The following NFKB1 variants were observed in gnomAD, a reference collection of about 807,000 sequenced individuals.
NFKB1 encodes nuclear factor NF-kappa-B p105 subunit.
NFKB1 carries 9 observed loss-of-function variants against 105.1 expected under a neutral mutation model. The observed-to-expected ratio is 0.09, with a 90% confidence interval of 0.05 to 0.15. The LOEUF is 0.15. Among genes scored for constraint, NFKB1 ranks in the 10% least tolerant of loss-of-function variants. The probability of loss-of-function intolerance (pLI) is 1.00; values close to 1 mark genes in which losing one functional copy is unlikely to be tolerated. For missense variants in NFKB1, 830 were observed against 1,203.7 expected (o/e 0.69, Z 4.59); for synonymous variants, 440 against 442.2 (o/e 1.00, Z 0.06).
chr4:102,525,485 T>G, intron 1 of NFKB1, 27 bp from the exon 2 acceptor site: 1 of 1,607,114 alleles, frequency 6.2e-7, no homozygotes, highest in Non-Finnish European at 8.5e-7. Flanking sequence ...GTGTTACAGT[T>G]TTGTTTTGTT....
intron 1 of NFKB1, among the ~76,000 whole-genome samples, chr4:102,502,375 T>TGC (rs748607205): frequency 0.13 from 11,018 of 82,562 alleles, 883 homozygotes; most frequent in Admixed American, 0.2. Flanking sequence ...CCCCCCTCCG[T>TGC]GCGCGCGCGC....
intron 6 of NFKB1, among the ~76,000 whole-genome samples, chr4:102,571,183 A>G (rs555708780): frequency 3.3e-4 from 50 of 152,322 alleles, no homozygotes; most frequent in Non-Finnish European, 6.6e-4. Flanking sequence ...AATACCGTAC[A>G]TCTACAACTA....
chr4:102,584,330 A>G (rs1453798945), intron 10 of NFKB1, among the ~76,000 whole-genome samples: 1 of 152,176 alleles, frequency 6.6e-6, no homozygotes, highest in Non-Finnish European at 1.5e-5. Flanking sequence ...TGCTCTAAAT[A>G]ATCTTGGAGG....
At chr4:102,515,104 ATTATTTTTT>A (rs1308050911) in intron 1 of NFKB1, among the ~76,000 whole-genome samples, 29 of 113,490 alleles carry the variant, frequency 2.6e-4, no homozygotes, top group Non-Finnish European at 4.9e-4. Flanking sequence ...TATTATTATT[ATTATTTTTT>A]TTTTTTTTTT....
intron 1 of NFKB1, among the ~76,000 whole-genome samples, chr4:102,508,283 A>G (rs924051781): frequency 6.6e-6 from 1 of 152,202 alleles, no homozygotes; most frequent in African/African-American, 2.4e-5. Context: ...TAGCATCTGC[A>G]TATAATACAA....
At chr4:102,557,889 A>G (rs1261078265) in intron 5 of NFKB1, among the ~76,000 whole-genome samples, 1 of 152,042 alleles carries the variant, frequency 6.6e-6, no homozygotes, top group African/African-American at 2.4e-5. Flanking sequence ...ATTCCTTTTT[A>G]CCAGATACTG....
intron 6 of NFKB1, among the ~76,000 whole-genome samples, chr4:102,574,791 G>A (rs567169633): frequency 6.6e-6 from 1 of 152,260 alleles, no homozygotes; most frequent in Non-Finnish European, 1.5e-5. Flanking sequence ...GTTACCTGAA[G>A]CAGAAGACTG....
intron 6 of NFKB1, among the ~76,000 whole-genome samples, chr4:102,569,948 A>T (rs950827223): frequency 6.6e-6 from 1 of 152,124 alleles, no homozygotes; most frequent in Non-Finnish European, 1.5e-5. Context: ...TTGGTAAAAA[A>T]TAATAATAAT....
At chr4:102,600,615 G>T (rs1433350977) in intron 15 of NFKB1, among the ~76,000 whole-genome samples, 1 of 152,222 alleles carries the variant, frequency 6.6e-6, no homozygotes, top group African/African-American at 2.4e-5. Flanking sequence ...GGAAGCCTCA[G>T]TGTGTTTATA....
At chr4:102,517,132 T>C (rs889704600) in intron 1 of NFKB1, among the ~76,000 whole-genome samples, 1 of 152,240 alleles carries the variant, frequency 6.6e-6, no homozygotes, top group African/African-American at 2.4e-5. Flanking sequence ...TGTAGATTTC[T>C]GAGGCTCTTG....
intron 9 of NFKB1, among the ~76,000 whole-genome samples, chr4:102,581,611 G>T (rs1578791789): frequency 6.6e-6 from 1 of 152,058 alleles, no homozygotes; most frequent in African/African-American, 2.4e-5. Flanking sequence ...CTATTATCAT[G>T]CTGCTGTACT....
chr4:102,612,250 A>G (rs574551968), intron 21 of NFKB1, 140 bp downstream of exon 21: 2 of 959,624 alleles, frequency 2.1e-6, no homozygotes, highest in East Asian at 5.1e-5. Flanking sequence ...AGATAAGGAG[A>G]ATATCCAGTT....
At chr4:102,597,356 T>C (rs1301221937) in intron 14 of NFKB1, among the ~76,000 whole-genome samples, 164 bp from the exon 15 acceptor site, 1 of 152,244 alleles carries the variant, frequency 6.6e-6, no homozygotes, top group African/African-American at 2.4e-5. Context: ...CCAATTCTGC[T>C]TTTTCTAGTC....
At chr4:102,556,760 C>G (rs1040185945) in intron 5 of NFKB1, among the ~76,000 whole-genome samples, 2 of 152,146 alleles carry the variant, frequency 1.3e-5, no homozygotes, top group African/African-American at 4.8e-5. Flanking sequence ...GTTTAAGTTC[C>G]TCTTAAGAAC....
At chr4:102,517,259 A>G (rs1740254407) in intron 1 of NFKB1, among the ~76,000 whole-genome samples, 1 of 152,172 alleles carries the variant, frequency 6.6e-6, no homozygotes, top group African/African-American at 2.4e-5. Flanking sequence ...CGAATTTAGA[A>G]TTTACCTAAA....
chr4:102,567,766 G>A (rs1338015377), intron 6 of NFKB1, among the ~76,000 whole-genome samples: 1 of 152,150 alleles, frequency 6.6e-6, no homozygotes, highest in Admixed American at 6.5e-5. Flanking sequence ...AAGTTTTATA[G>A]AAGTAATTTC....
At chr4:102,613,296 T>C in intron 22 of NFKB1, 129 bp from the exon 23 acceptor site, 1 of 943,820 alleles carries the variant, frequency 1.1e-6, no homozygotes, top group Non-Finnish European at 1.6e-6. Flanking sequence ...TTCTCTGCCC[T>C]TTCCATTTCC....
intron 1 of NFKB1, among the ~76,000 whole-genome samples, chr4:102,505,442 T>C (rs1208348728): frequency 6.6e-6 from 1 of 152,242 alleles, no homozygotes; most frequent in Non-Finnish European, 1.5e-5. Flanking sequence ...TTCATCTGCT[T>C]TAATTTATTG....
Position 102,612,421 on chromosome 4 carries a change from T to G in NFKB1, c.2420-13T>G. Reference sequence around the variant, plus strand: ...ATGTTAGAACAAGTGTGTTCCTTCTTCATTTCCTTCAGGAGACATGAAACA... The same window carrying G: ...ATGTTAGAACAAGTGTGTTCCTTCTGCATTTCCTTCAGGAGACATGAAACA... On this transcript the variant is annotated splice_polypyrimidine_tract_variant and intron_variant, in intron 21 of 23. Coordinates refer to ENST00000226574, the MANE Select transcript of NFKB1 (RefSeq NM_003998.4). The G allele has an allele frequency of 6.2e-7, 1 of 1,610,666 alleles. No homozygotes were observed. Among genetic ancestry groups the G allele is most frequent in the East Asian group, 2.2e-5 (1 of 44,870 alleles).
Sources: gnomAD v4.1 joint callset for allele counts (sites outside exome capture counted in the v4.1 genomes callset) on GRCh38, gnomAD v4.1.1 for gene constraint, MANE v1.5 for transcripts, NCBI Gene and HGNC (gene_info 2026-07-23, HGNC 2026-07-21) for gene names.